GUCY1A2: variants seen among roughly 807,000 people sequenced by gnomAD.
The protein encoded by GUCY1A2 is guanylate cyclase 1 soluble subunit alpha 2.
Under a neutral mutation model 63.5 loss-of-function variants are expected in GUCY1A2, and 27 were observed. That is an observed-to-expected ratio of 0.43 (90% CI 0.31 to 0.59). The LOEUF is 0.59. Among genes scored for constraint, GUCY1A2 ranks in the 20% least tolerant of loss-of-function variants. The probability of loss-of-function intolerance (pLI) is 0.11; values close to 1 mark genes in which losing one functional copy is unlikely to be tolerated. For missense variants in GUCY1A2, 768 were observed against 913.3 expected, an observed-to-expected ratio of 0.84 and a Z score of 2.05; for synonymous variants, 364 against 343.5, an observed-to-expected ratio of 1.06 and a Z score of -0.66.
At chr11:106,729,751 T>C (rs1201853638) in intron 6 of GUCY1A2, among the ~76,000 whole-genome samples, 1 of 152,008 alleles carries the variant, frequency 6.6e-6, no homozygotes, top group African/African-American at 2.4e-5. Context: ...AGTGAAAATA[T>C]CTTGATATTG....
Position 106,810,214 on chromosome 11 carries a change from C to T in GUCY1A2, c.1471G>A (p.Val491Met). Residue 491 changes from valine (V) to methionine (M), a missense_variant, in exon 5 of 8, where the codon GTG (valine) becomes ATG (methionine). Physicochemically the swap from Val to Met is conservative, Grantham distance 21. Coordinates refer to ENST00000526355, the MANE Select transcript of GUCY1A2 (RefSeq NM_000855.3). The stretch of plus-strand genomic sequence containing the variant: ...GGGAAAATAGAATATAGAAGATCCA[C>T]TGTCTTCTTTTTCTCTTCTTCCAGG... ...QALEEEKKKT[V>M]DLLYSIFPGD... The T allele has an allele frequency of 6.2e-7, 1 of 1,613,542 alleles. No homozygotes were observed. The highest frequency in any genetic ancestry group is 8.5e-7 in the Non-Finnish European group (1 of 1,179,534).
At chr11:106,936,591 G>C (rs1860679902) in intron 4 of GUCY1A2, 9 of 904,080 alleles carry the variant, frequency 1.0e-5, no homozygotes, top group Non-Finnish European at 1.2e-5. Flanking sequence ...AAAATGTAGA[G>C]GAAACCAAGT....
chr11:106,906,483 CTG>C (rs1860207672), intron 4 of GUCY1A2, among the ~76,000 whole-genome samples: 1 of 152,154 alleles, frequency 6.6e-6, no homozygotes, highest in African/African-American at 2.4e-5. Flanking sequence ...CACTTTTACA[CTG>C]TTGGTGGGAG....
intron 3 of GUCY1A2, among the ~76,000 whole-genome samples, chr11:106,949,865 T>C (rs1203799020): frequency 6.6e-6 from 1 of 152,218 alleles, no homozygotes; most frequent in African/African-American, 2.4e-5. Context: ...TACCGTGCCT[T>C]GTCTGTGGTG....
chr11:106,922,571 T>A (rs1860459998), intron 4 of GUCY1A2, among the ~76,000 whole-genome samples: 2 of 149,500 alleles, frequency 1.3e-5, no homozygotes, highest in South Asian at 2.1e-4. Context: ...TATATGTTTT[T>A]AAAAAATCTA....
chr11:106,977,138 A>G (rs930749972), intron 3 of GUCY1A2, among the ~76,000 whole-genome samples: 1 of 152,172 alleles, frequency 6.6e-6, no homozygotes, highest in African/African-American at 2.4e-5. Flanking sequence ...ATAAGAAGCA[A>G]CTTCTCAAAA....
chr11:106,978,868 C>T, intron 2 of GUCY1A2, 128 bp from the exon 3 acceptor site: 1 of 619,492 alleles, frequency 1.6e-6, no homozygotes, highest in Middle Eastern at 2.9e-4. Context: ...ATAAGTGAAG[C>T]TTTGAGACAT....
At chr11:106,728,417 A>G (rs1863444667) in intron 6 of GUCY1A2, among the ~76,000 whole-genome samples, 1 of 152,182 alleles carries the variant, frequency 6.6e-6, no homozygotes, top group Non-Finnish European at 1.5e-5. Flanking sequence ...TCTCCTGAAG[A>G]GATAGAGAAG....
chr11:106,894,670 A>T (rs1352155382), intron 4 of GUCY1A2, among the ~76,000 whole-genome samples: 1 of 152,202 alleles, frequency 6.6e-6, no homozygotes, highest in African/African-American at 2.4e-5. Context: ...TGAATAACCT[A>T]TGTCAAAAAA....
intron 4 of GUCY1A2, among the ~76,000 whole-genome samples, chr11:106,871,052 A>C (rs1859670421): frequency 6.6e-6 from 1 of 150,450 alleles, no homozygotes; most frequent in African/African-American, 2.4e-5. Flanking sequence ...CTTAGTTCCA[A>C]GTGCATAATT....
chr11:106,804,570 C>A (rs1858654071), intron 5 of GUCY1A2, among the ~76,000 whole-genome samples: 1 of 152,156 alleles, frequency 6.6e-6, no homozygotes. Context: ...CCTTGAGAAT[C>A]TACTGCATTT....
intron 6 of GUCY1A2, among the ~76,000 whole-genome samples, chr11:106,751,345 T>C (rs1212249744): frequency 3.3e-5 from 5 of 152,124 alleles, no homozygotes; most frequent in Admixed American, 6.6e-5. Flanking sequence ...GTAAATGATA[T>C]ACAATAGAAC....
chr11:106,824,169 C>G, intron 4 of GUCY1A2: 1 of 1,425,580 alleles, frequency 7.0e-7, no homozygotes, highest in Non-Finnish European at 9.4e-7. Context: ...AAAGTCCACA[C>G]AGAACTCTTT....
rs1174983824 is a variant in GUCY1A2 at position 106,678,686 on chromosome 11, G to C, written c.*8863C>G. On this transcript the variant is annotated 3_prime_UTR_variant, in exon 8 of 8. Coordinates refer to ENST00000526355, the MANE Select transcript of GUCY1A2 (RefSeq NM_000855.3). The stretch of plus-strand genomic sequence containing the variant: ...AATGATTTGAACATAAATTGGTTTT[G>C]ACTTAGATTTTATTCCGAGAAGTTT... 2 of 208,088 alleles carry C rather than the reference G, an allele frequency of 9.6e-6. No individual in the cohort carries two copies. Among genetic ancestry groups the C allele is most frequent in the East Asian group, 1.4e-4 (2 of 13,794 alleles). 12.9% of individuals were successfully genotyped at this position (208,088 alleles called of 1,614,324 possible). A position where few individuals can be genotyped will look rare whatever the true frequency, so the allele number is the denominator to read the frequency against.
chr11:106,719,301 AG>A (rs1209065046), intron 6 of GUCY1A2, among the ~76,000 whole-genome samples: 1 of 152,156 alleles, frequency 6.6e-6, no homozygotes, highest in Non-Finnish European at 1.5e-5. Context: ...TAAAATTTCT[AG>A]GAAGAAAAAA....
chr11:106,847,239 A>T (rs959659275), intron 4 of GUCY1A2, among the ~76,000 whole-genome samples: 12 of 145,436 alleles, frequency 8.3e-5, no homozygotes, highest in African/African-American at 3.0e-4. Context: ...CTCAAAAAAA[A>T]AAATATATAT....
At chr11:106,783,548 C>G (rs1038891321) in intron 5 of GUCY1A2, among the ~76,000 whole-genome samples, 5 of 152,090 alleles carry the variant, frequency 3.3e-5, no homozygotes, top group African/African-American at 1.2e-4. Flanking sequence ...TTATCAGGTT[C>G]TGGAAGGCTA....
intron 6 of GUCY1A2, among the ~76,000 whole-genome samples, chr11:106,770,938 TTAACTC>T: frequency 6.6e-6 from 1 of 151,582 alleles, no homozygotes; most frequent in South Asian, 2.1e-4. Flanking sequence ...TACACATTGT[TTAACTC>T]TAGTTCACAA....
At chr11:106,974,356 T>C (rs1052457099) in intron 3 of GUCY1A2, among the ~76,000 whole-genome samples, 2 of 152,074 alleles carry the variant, frequency 1.3e-5, no homozygotes, top group Non-Finnish European at 2.9e-5. Context: ...AATTATATTA[T>C]TTAGAGTTAT....
Sources: allele counts gnomAD v4.1 joint callset (sites outside exome capture counted in the v4.1 genomes callset), GRCh38; gene constraint gnomAD v4.1.1; transcripts MANE v1.5; gene names NCBI Gene and HGNC (gene_info 2026-07-23, HGNC 2026-07-21).